The following NOSTRIN variants were observed in gnomAD, a reference collection of about 807,000 sequenced individuals.
NOSTRIN encodes the protein nitric oxide synthase trafficking.
Under a neutral mutation model 59.0 loss-of-function variants are expected in NOSTRIN, and 63 were observed. The observed-to-expected ratio is 1.07, with a 90% CI of 0.87 to 1.32. The LOEUF (loss-of-function observed/expected upper bound fraction) is 1.32. Ranked by LOEUF, NOSTRIN falls within the 40% of genes most tolerant of loss-of-function variation. NOSTRIN has a pLI of 0.00. For synonymous variants in NOSTRIN, 200 were observed against 165.4 expected, an observed-to-expected ratio of 1.21 and a Z score of -1.61; for missense variants, 512 against 473.1, an observed-to-expected ratio of 1.08 and a Z score of -0.76.
chr2:168,836,656 C>G (rs904726954), intron 7 of NOSTRIN, among the ~76,000 whole-genome samples: 4 of 152,166 alleles, frequency 2.6e-5, no homozygotes, highest in African/African-American at 4.8e-5. Context: ...TCCATCCACA[C>G]ACTCCTGGCA....
At chr2:168,844,036 TA>T (rs1449706504) in intron 8 of NOSTRIN, among the ~76,000 whole-genome samples, 2 of 152,250 alleles carry the variant, frequency 1.3e-5, no homozygotes, top group African/African-American at 4.8e-5. Context: ...TAATTAAAAC[TA>T]TATTTAAACA....
At chr2:168,818,016 C>G (rs1686503955) in intron 2 of NOSTRIN, among the ~76,000 whole-genome samples, 1 of 152,138 alleles carries the variant, frequency 6.6e-6, no homozygotes, top group African/African-American at 2.4e-5. Context: ...TGGTGCTGGT[C>G]CTAAGTAGGA....
In NOSTRIN at chr2:168,864,881, G is replaced by A; in HGVS notation, c.1432G>A (p.Gly478Arg). 1 of 1,613,984 alleles carries A rather than the reference G, an allele frequency of 6.2e-7. No homozygotes were observed. Among genetic ancestry groups the A allele is most frequent in the Non-Finnish European group, 8.5e-7 (1 of 1,179,940 alleles). ...HEKKEGGWWF[G>R]SLNGKKGHFP... The stretch of plus-strand genomic sequence containing the variant: ...GAAAAAAGAAGGAGGATGGTGGTTT[G>A]GATCTTTGAATGGGAAAAAAGGCCA... Residue 478 changes from glycine (G) to arginine (R), a missense_variant, in exon 16 of 16, where the codon GGA becomes AGA. Coordinates refer to ENST00000317647, the MANE Select transcript of NOSTRIN (RefSeq NM_001039724.4).
chr2:168,818,561 ATTGATT>A (rs1686546273), intron 2 of NOSTRIN, among the ~76,000 whole-genome samples: 1 of 152,250 alleles, frequency 6.6e-6, no homozygotes. Flanking sequence ...ATAGTCTAAT[ATTGATT>A]ACATGGTCAC....
intron 11 of NOSTRIN, 25 bp from the exon 12 acceptor site, chr2:168,856,665 A>T: frequency 1.2e-6 from 2 of 1,607,188 alleles, no homozygotes; most frequent in Non-Finnish European, 1.7e-6. Context: ...GTGAAAGGTG[A>T]CTGAGAACAT....
intron 1 of NOSTRIN, 135 bp downstream of exon 1, chr2:168,802,808 A>C (rs1027428008): frequency 1.5e-5 from 11 of 739,202 alleles, no homozygotes; most frequent in Admixed American, 6.4e-5. Flanking sequence ...TGTGGTGCAA[A>C]AGTTTGTGGT....
upstream of NOSTRIN, among the ~76,000 whole-genome samples, chr2:168,801,361 C>T (rs1171756610): frequency 6.7e-6 from 1 of 149,720 alleles, no homozygotes; most frequent in South Asian, 2.1e-4. Context: ...GCTGGGACTA[C>T]AGGCACATAC....
chr2:168,790,888 T>C (rs188764127), intron 2 of NOSTRIN, among the ~76,000 whole-genome samples: 206 of 152,340 alleles, frequency 1.4e-3, no homozygotes, highest in Non-Finnish European at 2.6e-3. Context: ...GAGCATTAGA[T>C]TGGCAACTTA....
At chr2:168,791,428 T>G (rs1167660737) in intron 2 of NOSTRIN, among the ~76,000 whole-genome samples, 2 of 152,260 alleles carry the variant, frequency 1.3e-5, no homozygotes, top group Non-Finnish European at 2.9e-5. Flanking sequence ...GTCTTTGCTA[T>G]TGTGAATAGT....
At chr2:168,862,192 A>C in intron 15 of NOSTRIN, 143 bp downstream of exon 15, 2 of 689,844 alleles carry the variant, frequency 2.9e-6, no homozygotes, top group South Asian at 3.7e-5. Context: ...GCACATCTAA[A>C]ACAAAAGCTC....
intron 15 of NOSTRIN, among the ~76,000 whole-genome samples, chr2:168,864,393 C>G (rs1689715631): frequency 2.6e-5 from 4 of 151,988 alleles, no homozygotes; most frequent in South Asian, 4.1e-4. Flanking sequence ...TTCAAGGATT[C>G]TCCTGCCTCA....
intron 6 of NOSTRIN, 150 bp downstream of exon 6, chr2:168,831,684 T>A (rs1687370827): frequency 1.7e-6 from 1 of 591,854 alleles, no homozygotes; most frequent in South Asian, 2.2e-5. Flanking sequence ...GTTACACAGA[T>A]ATATTTTTCA....
intron 1 of NOSTRIN, among the ~76,000 whole-genome samples, chr2:168,804,527 C>A (rs183579560): frequency 1.3e-5 from 2 of 152,088 alleles, no homozygotes; most frequent in African/African-American, 4.8e-5. Context: ...GATGAATCTG[C>A]GGTTTGGGAA....
chr2:168,831,914 T>C (rs1395054327), intron 6 of NOSTRIN, among the ~76,000 whole-genome samples: 3 of 152,164 alleles, frequency 2.0e-5, no homozygotes, highest in Non-Finnish European at 2.9e-5. Flanking sequence ...TTGTCACAAG[T>C]TGGGTTCCAG....
intron 1 of NOSTRIN, 115 bp downstream of exon 1, chr2:168,802,788 A>C: frequency 1.3e-6 from 1 of 785,560 alleles, no homozygotes; most frequent in Non-Finnish European, 2.2e-6. Context: ...AAACACATTT[A>C]GATATTGGCT....
intron 1 of NOSTRIN, among the ~76,000 whole-genome samples, chr2:168,808,601 A>G (rs558243407): frequency 4.5e-4 from 68 of 152,230 alleles, no homozygotes; most frequent in Non-Finnish European, 8.5e-4. Context: ...AAGACAATAC[A>G]TAAAAATCCA....
At chr2:168,846,774 G>C (rs1688453487) in intron 8 of NOSTRIN, among the ~76,000 whole-genome samples, 1 of 152,158 alleles carries the variant, frequency 6.6e-6, no homozygotes, top group Non-Finnish European at 1.5e-5. Context: ...TTCTCAACCA[G>C]TGTTCCTCCT....
intron 2 of NOSTRIN, among the ~76,000 whole-genome samples, chr2:168,790,912 GA>G (rs1452449406): frequency 6.6e-6 from 1 of 151,984 alleles, no homozygotes; most frequent in African/African-American, 2.4e-5. Context: ...AGGACAGAAG[GA>G]AAAAAATCCT....
chr2:168,854,041 G>A (rs993353773), intron 10 of NOSTRIN, among the ~76,000 whole-genome samples: 5 of 151,922 alleles, frequency 3.3e-5, no homozygotes, highest in African/African-American at 1.2e-4. Flanking sequence ...CTAATTTTTT[G>A]TATTTTTAGT....
Sources: gnomAD v4.1 joint callset for allele counts (sites outside exome capture counted in the v4.1 genomes callset) on GRCh38, gnomAD v4.1.1 for gene constraint, MANE v1.5 for transcripts, NCBI Gene and HGNC (gene_info 2026-07-23, HGNC 2026-07-21) for gene names.